The following SGCZ variants were observed in gnomAD, a reference collection of about 807,000 sequenced individuals.
SGCZ encodes zeta-sarcoglycan.
In SGCZ, 40 loss-of-function variants were observed where a neutral mutation model predicts 41.3. The ratio of observed to expected loss-of-function variants is 0.97; its 90% confidence interval spans 0.75 to 1.26. The LOEUF (loss-of-function observed/expected upper bound fraction) is 1.26. Among genes scored for constraint, SGCZ ranks in the 50% most tolerant of loss-of-function variants. The pLI, the probability that SGCZ is intolerant of heterozygous loss-of-function variation, is 0.00. For synonymous variants in SGCZ, 206 were observed against 137.5 expected, an observed-to-expected ratio of 1.50 and a Z score of -3.49; for missense variants, 552 against 369.8, an observed-to-expected ratio of 1.49 and a Z score of -4.04.
chr8:14,262,363 A>T (rs1585294564), intron 3 of SGCZ, among the ~76,000 whole-genome samples: 2 of 152,152 alleles, frequency 1.3e-5, no homozygotes, highest in East Asian at 3.9e-4. Flanking sequence ...TTTCTGTGAC[A>T]ATGTGAAGGC....
intron 1 of SGCZ, among the ~76,000 whole-genome samples, chr8:15,063,974 T>A (rs918268142): frequency 6.6e-6 from 1 of 152,214 alleles, no homozygotes; most frequent in African/African-American, 2.4e-5. Flanking sequence ...TTTTCTGTTA[T>A]TCCGATATTT....
At chr8:14,648,538 T>A (rs1469950709) in intron 1 of SGCZ, among the ~76,000 whole-genome samples, 1 of 152,124 alleles carries the variant, frequency 6.6e-6, no homozygotes, top group Non-Finnish European at 1.5e-5. Flanking sequence ...GGTTCCAAAC[T>A]GGAATACAGC....
At chr8:14,133,786 T>A (rs1187640013) in intron 5 of SGCZ, among the ~76,000 whole-genome samples, 3 of 152,238 alleles carry the variant, frequency 2.0e-5, no homozygotes, top group Non-Finnish European at 4.4e-5. Context: ...GATGAAAGCT[T>A]GGAGCTGCTG....
At chr8:15,059,980 T>C (rs1418283486) in intron 1 of SGCZ, among the ~76,000 whole-genome samples, 1 of 152,134 alleles carries the variant, frequency 6.6e-6, no homozygotes, top group African/African-American at 2.4e-5. Context: ...TTACAGGAAA[T>C]GACAAGCATT....
chr8:14,157,104 T>G (rs944430897), intron 5 of SGCZ, among the ~76,000 whole-genome samples: 13 of 152,028 alleles, frequency 8.6e-5, no homozygotes, highest in African/African-American at 3.1e-4. Flanking sequence ...TTGTTTACAT[T>G]GGCATCATGA....
chr8:14,243,634 T>G (rs73664003), intron 3 of SGCZ, among the ~76,000 whole-genome samples: 10,005 of 152,224 alleles, frequency 0.066, 619 homozygotes, highest in African/African-American at 0.16. Flanking sequence ...GTAAGCCAAA[T>G]TTCCCATGTT....
intron 3 of SGCZ, among the ~76,000 whole-genome samples, chr8:14,245,778 T>C (rs75771652): frequency 1 from 151,485 of 152,208 alleles, 75,388 homozygotes; most frequent in East Asian, 1. Context: ...CATCAAAAAG[T>C]GGGTGAAGGA....
At chr8:14,713,830 G>T (rs1310592431) in intron 1 of SGCZ, among the ~76,000 whole-genome samples, 1 of 152,014 alleles carries the variant, frequency 6.6e-6, no homozygotes, top group Non-Finnish European at 1.5e-5. Flanking sequence ...GAGTCCTTCA[G>T]GGAAAAATAA....
At chr8:14,507,854 C>G (rs1802353847) in intron 2 of SGCZ, among the ~76,000 whole-genome samples, 1 of 150,272 alleles carries the variant, frequency 6.7e-6, no homozygotes, top group East Asian at 2.0e-4. Context: ...TTACCGCAAT[C>G]TCTGCCTCCC....
At chr8:14,571,152 C>A (rs1804540115) in intron 1 of SGCZ, among the ~76,000 whole-genome samples, 1 of 152,016 alleles carries the variant, frequency 6.6e-6, no homozygotes, top group African/African-American at 2.4e-5. Flanking sequence ...GAAGCAAGTA[C>A]CTTGTCTGCA....
At chr8:15,014,691 T>C (rs1463242293) in intron 1 of SGCZ, among the ~76,000 whole-genome samples, 1 of 152,196 alleles carries the variant, frequency 6.6e-6, no homozygotes, top group Non-Finnish European at 1.5e-5. Flanking sequence ...AGTCCTTCAG[T>C]GCACACTAAT....
Position 14,654,557 on chromosome 8 carries a change from C to T in SGCZ, c.40-99631G>A, listed in dbSNP as rs144497646. 8.5e-3 allele frequency among the ~76,000 whole-genome samples: 1,294 copies of T among 152,056 alleles called. 15 individuals are homozygous for T. Among genetic ancestry groups the T allele is most frequent in the Non-Finnish European group, 0.013 (858 of 67,960 alleles). On this transcript the variant is annotated intron_variant, in intron 1 of 7. Coordinates refer to ENST00000382080, the MANE Select transcript of SGCZ (RefSeq NM_139167.4). ...ACTACTGCTACCACTGCTTCTGCTACCATCATTACTTCTTTTGTTGTTGTT... is the reference window on the plus strand; with the variant it reads ...ACTACTGCTACCACTGCTTCTGCTATCATCATTACTTCTTTTGTTGTTGTT...
At chr8:14,444,148 A>G (rs1298932596) in intron 2 of SGCZ, among the ~76,000 whole-genome samples, 1 of 152,162 alleles carries the variant, frequency 6.6e-6, no homozygotes, top group Non-Finnish European at 1.5e-5. Flanking sequence ...CGATCATTAA[A>G]AAGTCAGGAA....
intron 1 of SGCZ, among the ~76,000 whole-genome samples, chr8:14,824,051 C>G (rs999600153): frequency 1.3e-5 from 2 of 151,708 alleles, no homozygotes; most frequent in Non-Finnish European, 2.9e-5. Context: ...TAGAGGATAT[C>G]ATAGAAGCAA....
intron 1 of SGCZ, among the ~76,000 whole-genome samples, chr8:14,765,539 T>C (rs1184782994): frequency 6.6e-6 from 1 of 152,182 alleles, no homozygotes; most frequent in Non-Finnish European, 1.5e-5. Context: ...CCTGGCAGAG[T>C]ATCCCTCAGA....
intron 2 of SGCZ, among the ~76,000 whole-genome samples, chr8:14,466,836 A>G (rs546313438): frequency 4.6e-5 from 7 of 151,698 alleles, no homozygotes; most frequent in Admixed American, 3.9e-4. Flanking sequence ...TAATATTTTC[A>G]TTTTGTTTAT....
intron 2 of SGCZ, among the ~76,000 whole-genome samples, chr8:14,415,204 C>T (rs1160420193): frequency 6.6e-6 from 1 of 151,818 alleles, no homozygotes; most frequent in Non-Finnish European, 1.5e-5. Context: ...CACAAGTGTT[C>T]ATGATTCATT....
intron 1 of SGCZ, among the ~76,000 whole-genome samples, chr8:14,935,166 T>C (rs1800043865): frequency 6.6e-6 from 1 of 151,770 alleles, no homozygotes; most frequent in Non-Finnish European, 1.5e-5. Flanking sequence ...AAAAAGTAGA[T>C]GTTAATGTCT....
intron 1 of SGCZ, among the ~76,000 whole-genome samples, chr8:15,165,311 T>A (rs1460697366): frequency 6.7e-6 from 1 of 150,192 alleles, no homozygotes; most frequent in Non-Finnish European, 1.5e-5. Flanking sequence ...AAAAAAAACC[T>A]CTAATTAATT....
Sources: allele counts gnomAD v4.1 joint callset (sites outside exome capture counted in the v4.1 genomes callset), GRCh38; gene constraint gnomAD v4.1.1; transcripts MANE v1.5; gene names NCBI Gene and HGNC (gene_info 2026-07-23, HGNC 2026-07-21).